PPFIA2: variants seen among roughly 807,000 people sequenced by gnomAD.
PPFIA2 encodes the protein liprin-alpha-2.
In PPFIA2, 46 loss-of-function variants were observed where a neutral mutation model predicts 175.5. The ratio of observed to expected loss-of-function variants is 0.26; its 90% CI spans 0.21 to 0.34. The LOEUF (loss-of-function observed/expected upper bound fraction) is 0.34. PPFIA2 is among the 10% of genes least tolerant of loss of function. The pLI is 1.00. For missense variants in PPFIA2, 1,179 were observed against 1,506.1 expected, an observed-to-expected ratio of 0.78 and a Z score of 3.60; for synonymous variants, 568 against 511.4, an observed-to-expected ratio of 1.11 and a Z score of -1.49.
At chr12:81,376,614 T>A (rs1299078668) in intron 9 of PPFIA2, among the ~76,000 whole-genome samples, 1 of 152,220 alleles carries the variant, frequency 6.6e-6, no homozygotes, top group Non-Finnish European at 1.5e-5. Context: ...AATTTTTAAA[T>A]AATAGAATTT....
chr12:81,726,289 T>C (rs1417150229), intron 3 of PPFIA2, among the ~76,000 whole-genome samples: 2 of 151,266 alleles, frequency 1.3e-5, no homozygotes, highest in African/African-American at 4.8e-5. Flanking sequence ...AGATTATTTC[T>C]ATCAGCATAT....
intron 4 of PPFIA2, chr12:81,535,657 A>ACG: frequency 3.5e-6 from 1 of 285,792 alleles, no homozygotes; most frequent in Non-Finnish European, 6.9e-6. Flanking sequence ...ACACACACAC[A>ACG]AAACTAGTGA....
At chr12:81,340,648 C>A (rs551827390) in intron 20 of PPFIA2, among the ~76,000 whole-genome samples, 2 of 152,072 alleles carry the variant, frequency 1.3e-5, no homozygotes, top group Admixed American at 6.6e-5. Flanking sequence ...GCAGCAGTAC[C>A]CACAGGATGC....
intron 4 of PPFIA2, among the ~76,000 whole-genome samples, chr12:81,646,630 A>G (rs1320958585): frequency 6.6e-6 from 1 of 152,196 alleles, no homozygotes; most frequent in African/African-American, 2.4e-5. Flanking sequence ...ATACTCATAC[A>G]AATTATAACA....
At chr12:81,684,056 C>A (rs188021105) in intron 3 of PPFIA2, among the ~76,000 whole-genome samples, 2 of 152,212 alleles carry the variant, frequency 1.3e-5, no homozygotes, top group East Asian at 3.9e-4. Flanking sequence ...TAGTAGGTAC[C>A]ATTTCCAACA....
At chr12:81,672,128 T>A (rs963465746) in intron 4 of PPFIA2, among the ~76,000 whole-genome samples, 3 of 151,734 alleles carry the variant, frequency 2.0e-5, no homozygotes, top group African/African-American at 4.8e-5. Context: ...GAATTTGAAA[T>A]AAACAAATAG....
chr12:81,683,915 A>C (rs1463899591), intron 3 of PPFIA2, among the ~76,000 whole-genome samples: 1 of 152,104 alleles, frequency 6.6e-6, no homozygotes, highest in Non-Finnish European at 1.5e-5. Flanking sequence ...GCTGTGTGAA[A>C]GAGTGAGGAG....
intron 15 of PPFIA2, 71 bp from the exon 16 acceptor site, chr12:81,358,288 G>T: frequency 7.3e-7 from 1 of 1,372,138 alleles, no homozygotes. Context: ...ACTATCTGCT[G>T]TTTTACTGGC....
intron 6 of PPFIA2, among the ~76,000 whole-genome samples, chr12:81,445,223 G>GGGGGGAGA (rs2051029106): frequency 1.6e-5 from 1 of 62,776 alleles, no homozygotes; most frequent in African/African-American, 8.1e-5. Context: ...GGGGGAGGGG[G>GGGGGGAGA]GAGAGAGAGA....
chr12:81,264,233 T>C (rs1250872426), intron 30 of PPFIA2, among the ~76,000 whole-genome samples: 2 of 152,188 alleles, frequency 1.3e-5, no homozygotes, highest in African/African-American at 4.8e-5. Context: ...GAATGTAGCA[T>C]AGCAATTACA....
chr12:81,593,264 C>T (rs1206920885), intron 4 of PPFIA2, among the ~76,000 whole-genome samples: 1 of 152,006 alleles, frequency 6.6e-6, no homozygotes, highest in African/African-American at 2.4e-5. Context: ...TGGCTAGCTA[C>T]CATAGAAATA....
At chr12:81,514,827 G>C (rs1333952409) in intron 4 of PPFIA2, among the ~76,000 whole-genome samples, 1 of 151,876 alleles carries the variant, frequency 6.6e-6, no homozygotes, top group Non-Finnish European at 1.5e-5. Flanking sequence ...CTTGATACAA[G>C]ATTGGTAGAA....
chr12:81,620,014 T>G (rs1281764972), intron 4 of PPFIA2, among the ~76,000 whole-genome samples: 1 of 151,456 alleles, frequency 6.6e-6, no homozygotes. Flanking sequence ...AAAAAAATTA[T>G]CCGGGCGTGA....
intron 4 of PPFIA2, among the ~76,000 whole-genome samples, chr12:81,665,102 G>A (rs1407734911): frequency 6.6e-6 from 1 of 151,864 alleles, no homozygotes; most frequent in South Asian, 2.1e-4. Flanking sequence ...TGAGTTAATG[G>A]GTACAGCACA....
intron 4 of PPFIA2, among the ~76,000 whole-genome samples, chr12:81,675,106 G>T (rs1169480216): frequency 1.3e-5 from 2 of 151,504 alleles, no homozygotes; most frequent in African/African-American, 4.8e-5. Context: ...AGCCAAGAAA[G>T]AACTATCCTC....
chr12:81,362,293 C>G (rs2031070806), intron 15 of PPFIA2, among the ~76,000 whole-genome samples: 1 of 150,084 alleles, frequency 6.7e-6, no homozygotes, highest in Non-Finnish European at 1.5e-5. Context: ...CTGCATGTTT[C>G]TACACTGAAC....
intron 7 of PPFIA2, among the ~76,000 whole-genome samples, chr12:81,421,965 CTATGCT>C (rs946073536): frequency 6.6e-6 from 1 of 151,192 alleles, no homozygotes; most frequent in Non-Finnish European, 1.5e-5. Context: ...CTGGGAATGG[CTATGCT>C]TATATCAGAC....
chr12:81,351,236 A>G (rs951862414), intron 17 of PPFIA2, among the ~76,000 whole-genome samples: 2 of 152,134 alleles, frequency 1.3e-5, no homozygotes, highest in Non-Finnish European at 2.9e-5. Context: ...AGTTCATATC[A>G]CCATATGTTT....
chr12:81,599,352 A>C lies in PPFIA2; in HGVS notation c.303+77439T>G, dbSNP rs1449745470. 2.0e-5 allele frequency among the ~76,000 whole-genome samples: 3 copies of C among 152,018 alleles called. No homozygotes were observed. In the East Asian group the frequency reaches 5.8e-4, roughly 29 times the overall value. On this transcript the variant is annotated intron_variant, in intron 4 of 32. Transcript: ENST00000549396. ...AGTATTTCTGATTCTCCAATTATGC[A>C]TGAAGTTTATAACATCAATGGAAAG... is the stretch of plus-strand genomic sequence containing the variant.
Sources: gnomAD v4.1 joint callset for allele counts (sites outside exome capture counted in the v4.1 genomes callset) on GRCh38, gnomAD v4.1.1 for gene constraint, MANE v1.5 for transcripts, NCBI Gene and HGNC (gene_info 2026-07-23, HGNC 2026-07-21) for gene names.